SCAPER: variants seen among roughly 807,000 people sequenced by gnomAD.
SCAPER encodes the protein S phase cyclin A-associated protein in the endoplasmic reticulum.
A neutral mutation model predicts 182.2 loss-of-function variants in SCAPER; 98 were observed. That is an observed-to-expected ratio of 0.54 (90% CI 0.46 to 0.64). The LOEUF is 0.64. Among genes scored for constraint, SCAPER ranks in the 30% least tolerant of loss-of-function variants. SCAPER has a pLI of 0.00. For missense variants in SCAPER, 1,432 were observed against 1,690.0 expected (o/e 0.85, Z 2.68); for synonymous variants, 605 against 564.6 (o/e 1.07, Z -1.01).
intron 15 of SCAPER, among the ~76,000 whole-genome samples, chr15:76,744,162 G>T (rs987456416): frequency 2.0e-5 from 3 of 152,142 alleles, no homozygotes; most frequent in African/African-American, 7.2e-5. Flanking sequence ...AGATTTAAAT[G>T]TAAGGCCTCA....
intron 22 of SCAPER, among the ~76,000 whole-genome samples, chr15:76,618,697 T>C (rs2051726101): frequency 6.6e-6 from 1 of 152,330 alleles, no homozygotes; most frequent in South Asian, 2.1e-4. Flanking sequence ...ACAAAATTGA[T>C]TTAAAATTGT....
At chr15:76,351,327 T>C (rs1174674003) in intron 30 of SCAPER, 39 bp from the exon 31 acceptor site, 1 of 1,560,596 alleles carries the variant, frequency 6.4e-7, no homozygotes, top group Admixed American at 1.9e-5. Context: ...ATCAATGCTA[T>C]GAACAGAGAA....
At chr15:76,580,813 G>C (rs2048216505) in intron 22 of SCAPER, among the ~76,000 whole-genome samples, 1 of 152,030 alleles carries the variant, frequency 6.6e-6, no homozygotes, top group South Asian at 2.1e-4. Flanking sequence ...ATAAAGATCA[G>C]AGCAGAAATG....
chr15:76,749,656 A>T (rs1418762181), intron 15 of SCAPER, among the ~76,000 whole-genome samples: 1 of 151,824 alleles, frequency 6.6e-6, no homozygotes, highest in Admixed American at 6.5e-5. Flanking sequence ...TTAAAACAAA[A>T]TATCATTGAA....
intron 17 of SCAPER, among the ~76,000 whole-genome samples, chr15:76,717,169 C>A (rs2059933946): frequency 6.8e-6 from 1 of 146,344 alleles, no homozygotes; most frequent in African/African-American, 2.5e-5. Context: ...AACCTGCCGG[C>A]TAAGAATACT....
intron 21 of SCAPER, among the ~76,000 whole-genome samples, chr15:76,654,264 C>T (rs916120413): frequency 6.6e-6 from 1 of 151,880 alleles, no homozygotes; most frequent in Non-Finnish European, 1.5e-5. Flanking sequence ...AAAAATTAGC[C>T]GGGCATGGTG....
intron 8 of SCAPER, among the ~76,000 whole-genome samples, chr15:76,777,114 T>C (rs2063789051): frequency 6.6e-6 from 1 of 151,694 alleles, no homozygotes; most frequent in African/African-American, 2.4e-5. Context: ...CACAAAAAAA[T>C]ATTGAAAGCA....
At chr15:76,495,863 C>T (rs1382727655) in intron 24 of SCAPER, among the ~76,000 whole-genome samples, 4 of 152,010 alleles carry the variant, frequency 2.6e-5, no homozygotes, top group Non-Finnish European at 4.4e-5. Flanking sequence ...GTTGAAACTG[C>T]ACTGTTAAAT....
At chr15:76,780,341 G>C (rs917021630) in intron 8 of SCAPER, among the ~76,000 whole-genome samples, 3 of 152,234 alleles carry the variant, frequency 2.0e-5, no homozygotes, top group Non-Finnish European at 4.4e-5. Context: ...ATCCGCCATT[G>C]CTGAGGCTTG....
At chr15:76,881,763 T>C (rs1301743640) in intron 2 of SCAPER, among the ~76,000 whole-genome samples, 1 of 152,198 alleles carries the variant, frequency 6.6e-6, no homozygotes, top group African/African-American at 2.4e-5. Context: ...AGAGTTTCAA[T>C]ATTTCAAGAC....
intron 25 of SCAPER, among the ~76,000 whole-genome samples, chr15:76,455,971 C>T (rs1471343522): frequency 6.6e-6 from 1 of 152,182 alleles, no homozygotes; most frequent in African/African-American, 2.4e-5. Context: ...CCAGCTTCAT[C>T]CATGTCCCTG....
chr15:76,559,704 C>T (rs1251930634), intron 23 of SCAPER, among the ~76,000 whole-genome samples: 3 of 152,060 alleles, frequency 2.0e-5, no homozygotes, highest in East Asian at 3.9e-4. Context: ...CACATGAACA[C>T]AAAGAAGAGA....
chr15:76,413,520 GAACT>G (rs2045441353), intron 26 of SCAPER, among the ~76,000 whole-genome samples: 1 of 152,308 alleles, frequency 6.6e-6, no homozygotes, highest in Non-Finnish European at 1.5e-5. Flanking sequence ...GTGAGCAGAT[GAACT>G]AACAGCTTTT....
intron 14 of SCAPER, among the ~76,000 whole-genome samples, chr15:76,759,864 G>A (rs1403831830): frequency 6.6e-6 from 1 of 152,144 alleles, no homozygotes; most frequent in Admixed American, 6.5e-5. Flanking sequence ...TGGTTTGCCA[G>A]TATTTTAAAG....
At chr15:76,683,161 T>C (rs973393724) in intron 20 of SCAPER, among the ~76,000 whole-genome samples, 2 of 151,682 alleles carry the variant, frequency 1.3e-5, no homozygotes, top group African/African-American at 2.4e-5. Flanking sequence ...AGAAATACGA[T>C]GAAACAATGC....
chr15:76,787,350 C>T (rs1319686416), intron 8 of SCAPER, among the ~76,000 whole-genome samples: 1 of 152,032 alleles, frequency 6.6e-6, no homozygotes, highest in Non-Finnish European at 1.5e-5. Context: ...TATAAAATTG[C>T]AAATGCAATT....
chr15:76,479,357 T>C (rs1205940993), intron 24 of SCAPER, among the ~76,000 whole-genome samples: 1 of 152,148 alleles, frequency 6.6e-6, no homozygotes, highest in Non-Finnish European at 1.5e-5. Flanking sequence ...AGAAGCACGT[T>C]TTAACATCAA....
At chr15:76,802,103 C>T (rs1598813196) in intron 6 of SCAPER, among the ~76,000 whole-genome samples, 1 of 151,486 alleles carries the variant, frequency 6.6e-6, no homozygotes, top group Middle Eastern at 3.4e-3. Context: ...TTGGTGATTA[C>T]ATTACAGACC....
rs1291290662 is a variant in SCAPER, at chr15:76,596,485, A to G, written c.2712-22201T>C. 1.6e-5 allele frequency among the ~76,000 whole-genome samples: 2 copies of G among 121,354 alleles called. 1 individual carries two copies. The highest frequency in any genetic ancestry group is 4.0e-5 in the Non-Finnish European group (2 of 50,026). 79.6% of individuals were successfully genotyped at this position (121,354 alleles called of 152,430 possible). Reference sequence around the variant, plus strand: ...TTTATGAGGCCAGCATCATCCTGATACCAAAACTCAGCAGAGACACAACAA... The same window carrying G: ...TTTATGAGGCCAGCATCATCCTGATGCCAAAACTCAGCAGAGACACAACAA... On this transcript the variant is annotated intron_variant, in intron 22 of 31. Transcript: ENST00000563290.
Sources: gnomAD v4.1 joint callset for allele counts (sites outside exome capture counted in the v4.1 genomes callset) on GRCh38, gnomAD v4.1.1 for gene constraint, MANE v1.5 for transcripts, NCBI Gene and HGNC (gene_info 2026-07-23, HGNC 2026-07-21) for gene names.